The following COL6A1 variants were observed in gnomAD, a reference collection of about 807,000 sequenced individuals.
COL6A1 encodes collagen type VI alpha 1 chain.
In COL6A1, 80 loss-of-function variants were observed where a neutral mutation model predicts 145.6. The observed-to-expected ratio is 0.55, with a 90% CI of 0.46 to 0.66. The LOEUF (loss-of-function observed/expected upper bound fraction) is 0.66. Ranked by LOEUF, COL6A1 falls within the 30% of genes least tolerant of loss-of-function variation. The pLI, the probability that COL6A1 is intolerant of heterozygous loss-of-function variation, is 0.00. For missense variants in COL6A1, 1,364 were observed against 1,473.8 expected, an observed-to-expected ratio of 0.93 and a Z score of 1.22; for synonymous variants, 638 against 622.8, an observed-to-expected ratio of 1.02 and a Z score of -0.36.
rs778145576 is a variant in COL6A1 at position 45,981,835 on chromosome 21, AC to A, written c.-14del. 1.0e-5 allele frequency: 16 copies of A among 1,562,982 alleles called. No homozygotes were observed. The highest frequency in any genetic ancestry group is 1.4e-5 in the Non-Finnish European group (16 of 1,156,124). Reference sequence around the variant, plus strand: ...TCTGCCCTGGCCGCGCTGTGTGGTGACCGCAGGCCCCAGACATGAGGGCGGC... The same window carrying A: ...TCTGCCCTGGCCGCGCTGTGTGGTGACGCAGGCCCCAGACATGAGGGCGGC... On this transcript the variant is annotated 5_prime_UTR_variant, in exon 1 of 35. Coordinates refer to ENST00000361866, the MANE Select transcript of COL6A1 (RefSeq NM_001848.3).
At chr21:45,989,047 C>T (rs540470092) in intron 8 of COL6A1, 37 bp from the exon 9 acceptor site, 11 of 1,603,608 alleles carry the variant, frequency 6.9e-6, no homozygotes, top group African/African-American at 1.3e-5. Context: ...TAGAAAGAAA[C>T]GGGGCTGCCC....
In COL6A1 at chr21:46,000,748, C is replaced by A. The variant is rs1436535216; in HGVS notation, c.1814-11C>A. On this transcript the variant is annotated splice_polypyrimidine_tract_variant and intron_variant, in intron 28 of 34. Coordinates refer to ENST00000361866, the MANE Select transcript of COL6A1 (RefSeq NM_001848.3). ...CTGACTGGTCTAACTGACTCTTTCT[C>A]TTCTCCTCAGCTTGCTGTGGTGAGA... The A allele has an allele frequency of 6.2e-7, 1 of 1,613,976 alleles. No homozygotes were observed.
At chr21:45,986,275 C>A (rs527824726) in intron 3 of COL6A1, among the ~76,000 whole-genome samples, 47 of 152,314 alleles carry the variant, frequency 3.1e-4, no homozygotes, top group African/African-American at 1.1e-3. Flanking sequence ...AGGAACCGAG[C>A]CTCCTTTGGG....
At chr21:45,997,390 G>T in intron 20 of COL6A1, 31 bp from the exon 21 acceptor site, 1 of 1,608,132 alleles carries the variant, frequency 6.2e-7, no homozygotes, top group Non-Finnish European at 8.5e-7. Flanking sequence ...TGAGGCCTGT[G>T]GTCCAACGTG....
chr21:46,001,361 G>C lies in COL6A1; in HGVS notation c.1931G>C (p.Arg644Pro), dbSNP rs398123634. Residue 644 changes from arginine (R) to proline (P), a missense_variant, in exon 30 of 35, where the codon CGG becomes CCG. By Grantham distance (103) the Arg-to-Pro change is moderately radical. This residue lies in a region of COL6A1 where 938 missense variants were observed against 1,003.8 expected (regional missense o/e 0.93). Coordinates refer to ENST00000361866, the MANE Select transcript of COL6A1 (RefSeq NM_001848.3). ...AKDFVVKVID[R>P]LSRDELVKFE... ...GACTTCGTCGTCAAGGTCATCGACC[G>C]GCTGAGCCGGGACGAGCTGGTCAAG... 1 of 1,612,030 alleles carries C rather than the reference G, an allele frequency of 6.2e-7. No individual in the cohort carries two copies. Among genetic ancestry groups the C allele is most frequent in the African/African-American group, 1.3e-5 (1 of 74,924 alleles).
chr21:46,002,395 C>A lies in COL6A1; in HGVS notation c.2244C>A (p.Gly748=). ...TTPLNVLCSP[G]IQVVSVGIKD... is the part of the protein sequence containing the mutation. ...CGCTCAACGTGCTCTGCAGCCCCGG[C>A]ATCCAGGTGGGGTGGCCACCCCCAG... Residue 748 remains glycine (G), a synonymous_variant, in exon 32 of 35, where the codon GGC becomes GGA. Transcript: ENST00000361866. 1 of 1,603,224 alleles carries A rather than the reference C, an allele frequency of 6.2e-7. No homozygotes were observed. Among genetic ancestry groups the A allele is most frequent in the Non-Finnish European group, 8.5e-7 (1 of 1,175,234 alleles).
At position 46,004,047 on chromosome 21, in the gene COL6A1, C is replaced by G; in HGVS notation, c.*34C>G. 6.2e-7 allele frequency: 1 copy of G among 1,610,194 alleles called. No homozygotes were observed. Among genetic ancestry groups the G allele is most frequent in the Non-Finnish European group, 8.5e-7 (1 of 1,177,840 alleles). On this transcript the variant is annotated 3_prime_UTR_variant, in exon 35 of 35. Coordinates refer to ENST00000361866, the MANE Select transcript of COL6A1 (RefSeq NM_001848.3). Reference sequence around the variant, plus strand: ...GCACGCCGGCACCAAACCCTGTCCTCCCACCCCTCCCCACTCATCACTAAA... The same window carrying G: ...GCACGCCGGCACCAAACCCTGTCCTGCCACCCCTCCCCACTCATCACTAAA...
At position 46,002,551 on chromosome 21, in the gene COL6A1, G is replaced by C. The variant is rs373383488; in HGVS notation, c.2275G>C (p.Val759Leu). 1.2e-6 allele frequency: 2 copies of C among 1,614,020 alleles called. No individual in the cohort carries two copies. Among genetic ancestry groups the C allele is most frequent in the East Asian group, 2.2e-5 (1 of 44,880 alleles). The change falls in exon 33 of 35, where the codon GTG (valine) becomes CTG (leucine). Residue 759 changes from valine to leucine, a missense_variant. Physicochemically the swap from Val to Leu is conservative, Grantham distance 32. Around this residue, in one of 3 missense-constraint regions of COL6A1, gnomAD observed 938 missense variants for 1,003.8 expected, o/e 0.93. Transcript: ENST00000361866. ...IQVVSVGIKD[V>L]FDFIPGSDQL... ...GGTGGTCTCCGTGGGCATCAAAGACGTGTTTGACTTCATCCCAGGCTCAGA... is the reference window on the plus strand; with the variant it reads ...GGTGGTCTCCGTGGGCATCAAAGACCTGTTTGACTTCATCCCAGGCTCAGA...
chr21:45,984,771 AACAGAG>A (rs370714708), intron 3 of COL6A1, among the ~76,000 whole-genome samples: 1,559 of 149,570 alleles, frequency 0.01, 13 homozygotes, highest in Middle Eastern at 0.026. Context: ...GACAGAGACA[AACAGAG>A]ACAGAGACAG....
Position 45,987,488 on chromosome 21 carries a change from T to C in COL6A1, c.739-11T>C, listed in dbSNP as rs1175848938. Reference sequence around the variant, plus strand: ...TTCCCACTGACTCGTCTCCATGCTTTCCCCCCACAGTGCTGCTCCTTCGAA... The same window carrying C: ...TTCCCACTGACTCGTCTCCATGCTTCCCCCCCACAGTGCTGCTCCTTCGAA... On this transcript the variant is annotated splice_polypyrimidine_tract_variant and intron_variant, in intron 6 of 34. Transcript: ENST00000361866. The C allele has an allele frequency of 2.5e-6, 4 of 1,612,912 alleles. No homozygotes were observed. Among genetic ancestry groups the C allele is most frequent in the African/African-American group, 1.3e-5 (1 of 75,000 alleles).
Position 46,002,558 on chromosome 21 carries a change from A to C in COL6A1, c.2282A>C (p.Asp761Ala). 1 of 1,614,114 alleles carries C rather than the reference A, an allele frequency of 6.2e-7. No individual in the cohort carries two copies. The highest frequency in any genetic ancestry group is 8.5e-7 in the Non-Finnish European group (1 of 1,180,010). The change falls in exon 33 of 35, where the codon GAC becomes GCC. Residue 761 changes from aspartate (D) to alanine (A), a missense_variant. Asp to Ala is a moderately radical substitution (Grantham distance 126). Coordinates refer to ENST00000361866, the MANE Select transcript of COL6A1 (RefSeq NM_001848.3). ...TCCGTGGGCATCAAAGACGTGTTTG[A>C]CTTCATCCCAGGCTCAGACCAGCTC... Reference protein sequence around the residue: ...VVSVGIKDVFDFIPGSDQLNV... With the variant: ...VVSVGIKDVFAFIPGSDQLNV...
intron 9 of COL6A1, 93 bp downstream of exon 9, chr21:45,989,230 A>T: frequency 1.5e-6 from 2 of 1,352,440 alleles, no homozygotes; most frequent in African/African-American, 1.5e-5. Context: ...CTGGGTTCTG[A>T]GTGCCAAAGT....
intron 19 of COL6A1, 107 bp downstream of exon 19, chr21:45,992,917 G>A: frequency 1.9e-6 from 2 of 1,046,926 alleles, no homozygotes; most frequent in South Asian, 2.8e-5. Flanking sequence ...AGCCCCTGTG[G>A]CCCCTCAACG....
At chr21:45,982,839 A>T in intron 2 of COL6A1, 76 bp downstream of exon 2, 2 of 1,578,158 alleles carry the variant, frequency 1.3e-6, no homozygotes, top group South Asian at 1.1e-5. Context: ...CCAGGGGAAC[A>T]CGGGTGCGAC....
rs188448869 is a variant in COL6A1, at chr21:45,991,093, G to A, written c.1119+52G>A. ...CCAGGGCCTTCACGGTTGGCCAAGC[G>A]CTGAATTGGAAACCTCTCCTGGAAG... is the stretch of plus-strand genomic sequence containing the variant. On this transcript the variant is annotated intron_variant, in intron 15 of 34. Transcript: ENST00000361866. 4.8e-5 allele frequency: 77 copies of A among 1,590,976 alleles called. 1 individual carries two copies. Among genetic ancestry groups the A allele is most frequent in the South Asian group, 3.2e-4 (29 of 90,622 alleles).
In COL6A1 at chr21:45,994,348, G is replaced by C; in HGVS notation, c.1398+119G>C. 1 of 1,013,946 alleles carries C rather than the reference G, an allele frequency of 9.9e-7. No homozygotes were observed. Among genetic ancestry groups the C allele is most frequent in the Admixed American group, 2.0e-5 (1 of 49,746 alleles). The allele number at this position is 1,013,946 out of a possible 1,614,324, so 62.8% of individuals were successfully genotyped here. On this transcript the variant is annotated intron_variant, in intron 20 of 34. Coordinates refer to ENST00000361866, the MANE Select transcript of COL6A1 (RefSeq NM_001848.3). The surrounding 1 kb of genome is among the most constrained non-coding windows in gnomAD (Gnocchi z 6.8). ...TCCGTTTGAGGGCCTCTGTGTTTCC[G>C]TAGATCTCGGGGGTGTCCCTGCGTG... is the stretch of plus-strand genomic sequence containing the variant.
At chr21:46,003,043 G>C in intron 33 of COL6A1, 77 bp from the exon 34 acceptor site, 1 of 1,606,248 alleles carries the variant, frequency 6.2e-7, no homozygotes, top group Non-Finnish European at 8.5e-7. Flanking sequence ...TGCTCGGCCG[G>C]GAGGTCCTGT....
Position 46,000,337 on chromosome 21 carries a change from G to A in COL6A1, c.1783G>A (p.Glu595Lys), listed in dbSNP as rs367650141. The change falls in exon 28 of 35, where the codon GAG becomes AAG. Residue 595 changes from glutamate to lysine, a missense_variant. By Grantham distance (56) the Glu-to-Lys change is moderately conservative. Transcript: ENST00000361866. Reference protein sequence around the residue: ...HQGPPGPDECEILDIIMKMCS... With the variant: ...HQGPPGPDECKILDIIMKMCS... ...CTCGTCTCTCCCTCCCCAGGAATGCGAGATTTTGGACATCATCATGAAAAT... is the reference window on the plus strand; with the variant it reads ...CTCGTCTCTCCCTCCCCAGGAATGCAAGATTTTGGACATCATCATGAAAAT... 23 of 1,613,852 alleles carry A rather than the reference G, an allele frequency of 1.4e-5. No homozygotes were observed. The highest frequency in any genetic ancestry group is 3.3e-5 in the Admixed American group (2 of 60,004).
chr21:45,991,173 G>A (rs1247784944), intron 15 of COL6A1, 132 bp downstream of exon 15: 3 of 994,380 alleles, frequency 3.0e-6, no homozygotes, highest in African/African-American at 1.6e-5. Context: ...GGGAGGAGCT[G>A]GTGGAGGCTG....
Sources: allele counts gnomAD v4.1 joint callset (sites outside exome capture counted in the v4.1 genomes callset), GRCh38; gene constraint gnomAD v4.1.1; regional missense constraint gnomAD v4.1.1; non-coding constraint Gnocchi (gnomAD v3.1); transcripts MANE v1.5; gene names NCBI Gene and HGNC (gene_info 2026-07-23, HGNC 2026-07-21).